The following CNTN4 variants were observed in gnomAD, a reference collection of about 807,000 sequenced individuals.
CNTN4 encodes contactin-4.
In CNTN4, 77 loss-of-function variants were observed where a neutral mutation model predicts 122.5. That is an observed-to-expected ratio of 0.63 (90% CI 0.52 to 0.76). CNTN4 has a LOEUF of 0.76. Ranked by LOEUF, CNTN4 falls within the 30% of genes least tolerant of loss-of-function variation. The pLI, the probability that CNTN4 is intolerant of heterozygous loss-of-function variation, is 0.00. For missense variants in CNTN4, 1,256 were observed against 1,259.1 expected, an observed-to-expected ratio of 1.00 and a Z score of 0.04; for synonymous variants, 512 against 447.0, an observed-to-expected ratio of 1.15 and a Z score of -1.83.
chr3:2,685,321 A>G (rs905280555), intron 4 of CNTN4, among the ~76,000 whole-genome samples: 7 of 152,144 alleles, frequency 4.6e-5, no homozygotes, highest in African/African-American at 7.2e-5. Context: ...TCCACTTTCT[A>G]TTACCTTCAA....
At chr3:2,555,931 GCC>G (rs1397285756) in intron 3 of CNTN4, among the ~76,000 whole-genome samples, 1 of 152,142 alleles carries the variant, frequency 6.6e-6, no homozygotes, top group Admixed American at 6.5e-5. Flanking sequence ...CAGGGAATCT[GCC>G]ATGGGTAACC....
At chr3:2,636,292 A>G (rs1338827528) in intron 4 of CNTN4, among the ~76,000 whole-genome samples, 8 of 152,182 alleles carry the variant, frequency 5.3e-5, no homozygotes, top group Non-Finnish European at 1.2e-4. Context: ...CAGGCATCAG[A>G]ATGTACTTCA....
intron 6 of CNTN4, among the ~76,000 whole-genome samples, chr3:2,768,154 C>G (rs184066702): frequency 6.6e-6 from 1 of 152,264 alleles, no homozygotes; most frequent in East Asian, 1.9e-4. Flanking sequence ...AATTAAACAT[C>G]ACAAATGTAT....
At chr3:2,374,737 T>A (rs1179775398) in intron 3 of CNTN4, among the ~76,000 whole-genome samples, 8 of 152,168 alleles carry the variant, frequency 5.3e-5, no homozygotes, top group Non-Finnish European at 1.2e-4. Flanking sequence ...ACGAGGAAAT[T>A]AAAAAGTATT....
chr3:2,566,261 T>C (rs1279257045), intron 3 of CNTN4, among the ~76,000 whole-genome samples: 3 of 152,218 alleles, frequency 2.0e-5, no homozygotes, highest in Admixed American at 1.3e-4. Context: ...ACTAGTTCAG[T>C]ATTTGAAGTA....
intron 4 of CNTN4, among the ~76,000 whole-genome samples, chr3:2,610,997 G>A (rs537197684): frequency 5.3e-5 from 8 of 152,046 alleles, no homozygotes; most frequent in Admixed American, 1.3e-4. Flanking sequence ...TTCATGTAAC[G>A]ATACGATACA....
At chr3:2,370,671 C>T (rs1208410800) in intron 3 of CNTN4, among the ~76,000 whole-genome samples, 3 of 152,264 alleles carry the variant, frequency 2.0e-5, no homozygotes, top group Non-Finnish European at 4.4e-5. Context: ...ATTTCAAGTA[C>T]AGGTATCCTC....
chr3:2,222,698 A>G (rs1286974394), intron 2 of CNTN4, among the ~76,000 whole-genome samples: 1 of 152,054 alleles, frequency 6.6e-6, no homozygotes, highest in Non-Finnish European at 1.5e-5. Flanking sequence ...AAACAGAAAA[A>G]TGAGTCAGAT....
At chr3:2,791,838 T>G (rs2092021487) in intron 6 of CNTN4, among the ~76,000 whole-genome samples, 1 of 152,128 alleles carries the variant, frequency 6.6e-6, no homozygotes, top group South Asian at 2.1e-4. Context: ...GGCCACATCT[T>G]CCCAGTTTCT....
intron 4 of CNTN4, among the ~76,000 whole-genome samples, chr3:2,680,851 A>G (rs2085126623): frequency 6.6e-6 from 1 of 152,194 alleles, no homozygotes; most frequent in African/African-American, 2.4e-5. Flanking sequence ...TACTAATACT[A>G]ATTCTCTTTG....
chr3:2,916,306 A>T (rs996926232), intron 12 of CNTN4, among the ~76,000 whole-genome samples: 42 of 151,528 alleles, frequency 2.8e-4, no homozygotes, highest in South Asian at 2.5e-3. Context: ...CAGATAAACA[A>T]GTGAACAAGG....
At chr3:2,451,257 A>G (rs552122162) in intron 3 of CNTN4, among the ~76,000 whole-genome samples, 2 of 152,134 alleles carry the variant, frequency 1.3e-5, no homozygotes, top group African/African-American at 4.8e-5. Flanking sequence ...AATAGCTTAC[A>G]TGGGCCTTAT....
chr3:2,797,920 A>ATTT (rs10684232), intron 6 of CNTN4, among the ~76,000 whole-genome samples: 9,472 of 137,772 alleles, frequency 0.069, 488 homozygotes, highest in Non-Finnish European at 0.092. Flanking sequence ...CACACTGAGT[A>ATTT]TTTTTTTTTT....
intron 2 of CNTN4, among the ~76,000 whole-genome samples, chr3:2,211,121 A>T (rs2149439804): frequency 6.6e-6 from 1 of 152,294 alleles, no homozygotes. Flanking sequence ...AGGCCTCAGG[A>T]AGCTTTTACT....
rs2041252890 is a variant in CNTN4, at chr3:2,270,547, C to T, written c.-144-68631C>T. ...GAGTACTTGTTATGACCTGTGGGGCCCTACTTTCCTTCATTCTCAGAGAGA... is the reference window on the plus strand; with the variant it reads ...GAGTACTTGTTATGACCTGTGGGGCTCTACTTTCCTTCATTCTCAGAGAGA... On this transcript the variant is annotated intron_variant, in intron 2 of 24. Coordinates refer to ENST00000418658, the MANE Select transcript of CNTN4 (RefSeq NM_175607.3). Among the ~76,000 whole-genome samples, 3 of 151,994 alleles carry T rather than the reference C, an allele frequency of 2.0e-5. No individual in the cohort carries two copies. The South Asian group carries it at 6.2e-4, about 32-fold the overall frequency.
At chr3:2,658,861 A>G (rs549737905) in intron 4 of CNTN4, among the ~76,000 whole-genome samples, 20 of 152,116 alleles carry the variant, frequency 1.3e-4, no homozygotes, top group African/African-American at 4.6e-4. Flanking sequence ...TCAAGGTTCT[A>G]GGTCCAGAAA....
chr3:2,670,608 T>G (rs2084449318), intron 4 of CNTN4, among the ~76,000 whole-genome samples: 1 of 152,224 alleles, frequency 6.6e-6, no homozygotes, highest in Non-Finnish European at 1.5e-5. Context: ...AGGTTAATAT[T>G]GTTATGTGCG....
At chr3:2,195,254 C>T (rs1332670186) in intron 2 of CNTN4, among the ~76,000 whole-genome samples, 1 of 152,204 alleles carries the variant, frequency 6.6e-6, no homozygotes, top group Non-Finnish European at 1.5e-5. Context: ...GACAGGATTT[C>T]ATTCTTTTTC....
intron 3 of CNTN4, among the ~76,000 whole-genome samples, chr3:2,567,410 G>A (rs937780232): frequency 5.3e-5 from 8 of 152,132 alleles, no homozygotes; most frequent in Middle Eastern, 3.4e-3. Context: ...TTTAATATAC[G>A]TTCAAAGATG....
Sources: allele counts gnomAD v4.1 joint callset (sites outside exome capture counted in the v4.1 genomes callset), GRCh38; gene constraint gnomAD v4.1.1; transcripts MANE v1.5; gene names NCBI Gene and HGNC (gene_info 2026-07-23, HGNC 2026-07-21).